Variants in PABPC1L observed in about 807,000 individuals in gnomAD.
PABPC1L encodes poly(A) binding protein cytoplasmic 1 like.
Under a neutral mutation model 66.6 loss-of-function variants are expected in PABPC1L, and 31 were observed. The observed-to-expected ratio is 0.47, with a 90% CI of 0.35 to 0.63. The LOEUF is 0.63. PABPC1L is among the 20% of genes least tolerant of loss of function. The pLI, the probability that PABPC1L is intolerant of heterozygous loss-of-function variation, is 0.00. For missense variants in PABPC1L, 722 were observed against 848.8 expected (o/e 0.85, Z 1.86); for synonymous variants, 348 against 335.1 (o/e 1.04, Z -0.42).
At chr20:44,925,210 C>CAAAA (rs34623911) in intron 7 of PABPC1L, among the ~76,000 whole-genome samples, 35 of 75,464 alleles carry the variant, frequency 4.6e-4, no homozygotes, top group African/African-American at 1.5e-3. Flanking sequence ...GACTCTGTCT[C>CAAAA]AAAAAAAAAA....
chr20:44,938,557 AC>A, intron 13 of PABPC1L, 116 bp from the exon 14 acceptor site: 1 of 1,215,164 alleles, frequency 8.2e-7, no homozygotes, highest in Non-Finnish European at 1.2e-6. Context: ...TTCCACAGAA[AC>A]CCTGTGGATG....
chr20:44,932,834 G>A (rs1257630336), intron 9 of PABPC1L: 2 of 565,822 alleles, frequency 3.5e-6, no homozygotes, highest in East Asian at 5.9e-5. Context: ...TGCAGTTTGG[G>A]GCTCTAGGTA....
intron 12 of PABPC1L, chr20:44,936,986 C>G (rs964835073): frequency 8.4e-6 from 5 of 593,142 alleles, no homozygotes; most frequent in Non-Finnish European, 1.6e-5. Flanking sequence ...GGTTGGGAGA[C>G]AGTCCAGATG....
At chr20:44,933,263 C>A (rs1419267952) in intron 10 of PABPC1L, 78 bp downstream of exon 10, 126 of 1,226,184 alleles carry the variant, frequency 1.0e-4, no homozygotes, top group Non-Finnish European at 1.4e-4. Context: ...TCCATGGTGA[C>A]CTTGCCATAT....
intron 5 of PABPC1L, among the ~76,000 whole-genome samples, chr20:44,919,704 C>A (rs989361485): frequency 7.9e-5 from 12 of 152,078 alleles, no homozygotes; most frequent in Non-Finnish European, 1.5e-5. Flanking sequence ...TAAAAACTCT[C>A]CAGATGTGAT....
At chr20:44,919,346 C>T in intron 5 of PABPC1L, 69 bp downstream of exon 5, 1 of 1,535,080 alleles carries the variant, frequency 6.5e-7, no homozygotes, top group East Asian at 2.3e-5. Context: ...AGGGTCCCAG[C>T]TGCCTGTGGA....
At chr20:44,931,032 C>T (rs61705836) in intron 8 of PABPC1L, among the ~76,000 whole-genome samples, 1,178 of 20,138 alleles carry the variant, frequency 0.058, 32 homozygotes, top group African/African-American at 0.13. Context: ...CCTCCCTTCC[C>T]TCCCTTCCCT....
chr20:44,935,956 T>C (rs1362172892), intron 11 of PABPC1L, among the ~76,000 whole-genome samples: 1 of 152,206 alleles, frequency 6.6e-6, no homozygotes, highest in Non-Finnish European at 1.5e-5. Flanking sequence ...GAGAACAGTC[T>C]TTAAACAGCA....
chr20:44,912,345 A>G (rs1224097559), intron 1 of PABPC1L, among the ~76,000 whole-genome samples: 1 of 152,106 alleles, frequency 6.6e-6, no homozygotes, highest in Non-Finnish European at 1.5e-5. Context: ...CAGACCTTTC[A>G]TGTTTCTTAT....
intron 2 of PABPC1L, among the ~76,000 whole-genome samples, chr20:44,913,545 C>T (rs564386491): frequency 3.9e-5 from 6 of 152,142 alleles, no homozygotes; most frequent in Admixed American, 2.6e-4. Context: ...CTCAGCCTCC[C>T]GAGTAGCTGG....
chr20:44,934,963 T>C (rs1380062317), intron 10 of PABPC1L, among the ~76,000 whole-genome samples: 1 of 151,320 alleles, frequency 6.6e-6, no homozygotes, highest in East Asian at 1.9e-4. Context: ...AGCTACTTGG[T>C]AGGCTGAGAC....
chr20:44,918,412 C>T lies in PABPC1L; in HGVS notation c.504-494C>T, dbSNP rs138279102. Among the ~76,000 whole-genome samples, 20 of 152,320 alleles carry T rather than the reference C, an allele frequency of 1.3e-4. No individual in the cohort carries two copies. In the East Asian group the frequency reaches 3.9e-3, roughly 29 times the overall value. On this transcript the variant is annotated intron_variant, in intron 3 of 14. Coordinates refer to ENST00000217073, the MANE Select transcript of PABPC1L (RefSeq NM_001372179.1). ...CCCCCCATAGCAACACTAGCATTGA[C>T]TGCGTCTAATTCACTTACCCCTGCT... is the stretch of plus-strand genomic sequence containing the variant.
At position 44,926,586 on chromosome 20, in the gene PABPC1L, G is replaced by A. The variant is rs138620063; in HGVS notation, c.972+2330G>A. ...TTTGAGATAGAGTTTCCTTCTTGTC[G>A]CCCAGGCTGGAGTGCAATGGCGCGA... On this transcript the variant is annotated intron_variant, in intron 7 of 14. Coordinates refer to ENST00000217073, the MANE Select transcript of PABPC1L (RefSeq NM_001372179.1). 6.0e-5 allele frequency among the ~76,000 whole-genome samples: 9 copies of A among 150,948 alleles called. No homozygotes were observed. The East Asian group carries it at 9.8e-4, about 16-fold the overall frequency.
chr20:44,936,403 G>C (rs1201871254), intron 11 of PABPC1L, among the ~76,000 whole-genome samples: 4 of 152,150 alleles, frequency 2.6e-5, no homozygotes, highest in Admixed American at 2.6e-4. Context: ...ACGTTCATCA[G>C]GGACCTTTAT....
chr20:44,921,555 T>C (rs999015069), intron 5 of PABPC1L, 39 bp from the exon 6 acceptor site: 21 of 1,610,338 alleles, frequency 1.3e-5, no homozygotes, highest in Middle Eastern at 3.3e-4. Flanking sequence ...GGGCCACATC[T>C]GAGTGGTTAC....
rs1247776627 is a variant in PABPC1L at position 44,910,278 on chromosome 20, T to C, written c.135T>C (p.Asp45=). Residue 45 remains aspartate (D), a synonymous_variant, in exon 1 of 15, where the codon GAT becomes GAC. Transcript: ENST00000217073. Reference sequence around the variant, plus strand: ...TCCTGTCCATCCGCGTGTGCCGCGATGTAGCCACCCGGCGCTCGCTGGGCT... The same window carrying C: ...TCCTGTCCATCCGCGTGTGCCGCGACGTAGCCACCCGGCGCTCGCTGGGCT... The part of the protein sequence containing the change: ...GPILSIRVCR[D]VATRRSLGYA... 1.9e-6 allele frequency: 3 copies of C among 1,552,394 alleles called. No individual in the cohort carries two copies. Among genetic ancestry groups the C allele is most frequent in the South Asian group, 2.4e-5 (2 of 84,472 alleles).
chr20:44,929,158 A>T (rs1601119196), intron 7 of PABPC1L, among the ~76,000 whole-genome samples: 1 of 151,704 alleles, frequency 6.6e-6, no homozygotes, highest in African/African-American at 2.4e-5. Flanking sequence ...ACTACTTGAG[A>T]GGCTGAGGCA....
intron 6 of PABPC1L, among the ~76,000 whole-genome samples, chr20:44,922,227 AC>A (rs1439887697): frequency 1.3e-5 from 2 of 152,092 alleles, no homozygotes; most frequent in East Asian, 3.8e-4. Flanking sequence ...TGGGAAGTGA[AC>A]CCCTCTAAGA....
chr20:44,938,033 A>C (rs748411807), intron 12 of PABPC1L, 28 bp from the exon 13 acceptor site: 1 of 1,613,940 alleles, frequency 6.2e-7, no homozygotes, highest in South Asian at 1.1e-5. Context: ...TAGGCCGTGC[A>C]CAAGCCATTA....
Sources: allele counts gnomAD v4.1 joint callset (sites outside exome capture counted in the v4.1 genomes callset), GRCh38; gene constraint gnomAD v4.1.1; transcripts MANE v1.5; gene names NCBI Gene and HGNC (gene_info 2026-07-23, HGNC 2026-07-21).